The following HIBADH variants were observed in gnomAD, a reference collection of about 807,000 sequenced individuals.
The protein encoded by HIBADH is 3-hydroxyisobutyrate dehydrogenase, mitochondrial.
Under a neutral mutation model 36.1 loss-of-function variants are expected in HIBADH, and 25 were observed. The ratio of observed to expected loss-of-function variants is 0.69; its 90% CI spans 0.50 to 0.97. The LOEUF is 0.97. Ranked by LOEUF, HIBADH falls within the 50% of genes least tolerant of loss-of-function variation. The pLI is 0.00. For synonymous variants in HIBADH, 160 were observed against 149.5 expected (o/e 1.07, Z -0.51); for missense variants, 421 against 418.0 (o/e 1.01, Z -0.06).
intron 7 of HIBADH, among the ~76,000 whole-genome samples, chr7:27,530,444 T>G (rs1783975619): frequency 6.6e-6 from 1 of 152,068 alleles, no homozygotes; most frequent in African/African-American, 2.4e-5. Flanking sequence ...TGACCTCAGG[T>G]GATCTGCCCT....
chr7:27,538,232 T>C (rs1784094653), intron 6 of HIBADH, 109 bp downstream of exon 6: 2 of 826,814 alleles, frequency 2.4e-6, no homozygotes, highest in African/African-American at 3.4e-5. Flanking sequence ...TTTCAAAATG[T>C]TCTTGGATCA....
intron 6 of HIBADH, among the ~76,000 whole-genome samples, chr7:27,537,977 T>C (rs577196252): frequency 6.6e-6 from 1 of 152,296 alleles, no homozygotes; most frequent in East Asian, 1.9e-4. Context: ...ACTAAAACCA[T>C]GTCTTATACA....
chr7:27,534,486 G>C (rs759920440), intron 6 of HIBADH, among the ~76,000 whole-genome samples: 2 of 152,188 alleles, frequency 1.3e-5, no homozygotes, highest in Non-Finnish European at 2.9e-5. Flanking sequence ...CAGGAGGGCT[G>C]AGTTAAGACC....
intron 1 of HIBADH, among the ~76,000 whole-genome samples, chr7:27,650,681 C>CA (rs1263205808): frequency 7.7e-6 from 1 of 129,648 alleles, no homozygotes; most frequent in African/African-American, 2.9e-5. Flanking sequence ...TTAATAGAGA[C>CA]AGAGTTTCAC....
In HIBADH at chr7:27,538,371, C is replaced by T; in HGVS notation, c.665G>A (p.Gly222Glu). ...TCCAAGATTCATAGCTTCAGCAGTT[C>T]CAATCATACTAATAGCTAACAGCAT... ...NNMLLAISMIGTAEAMNLGIR... is the reference protein window; with the variant it reads ...NNMLLAISMIETAEAMNLGIR... The change falls in exon 6 of 8, where the codon GGA becomes GAA. Residue 222 changes from glycine (G) to glutamate (E), a missense_variant. Transcript: ENST00000265395. The T allele has an allele frequency of 6.2e-7, 1 of 1,613,154 alleles. No homozygotes were observed.
chr7:27,568,128 T>C (rs1460761875), intron 4 of HIBADH, among the ~76,000 whole-genome samples: 3 of 96,418 alleles, frequency 3.1e-5, no homozygotes, highest in Non-Finnish European at 5.4e-5. Flanking sequence ...GCTTACAATT[T>C]CTGTTTCTCT....
chr7:27,592,868 G>C (rs1463452684), intron 4 of HIBADH, among the ~76,000 whole-genome samples: 1 of 151,964 alleles, frequency 6.6e-6, no homozygotes, highest in African/African-American at 2.4e-5. Flanking sequence ...TGGTGAAAAA[G>C]GTCTTGATAG....
At chr7:27,611,239 CG>C (rs2128291851) in intron 4 of HIBADH, among the ~76,000 whole-genome samples, 1 of 152,272 alleles carries the variant, frequency 6.6e-6, no homozygotes, top group African/African-American at 2.4e-5. Context: ...TAACTACAAG[CG>C]CCACTTCAGA....
At chr7:27,594,753 G>A (rs1045973901) in intron 4 of HIBADH, among the ~76,000 whole-genome samples, 1 of 151,940 alleles carries the variant, frequency 6.6e-6, no homozygotes, top group Non-Finnish European at 1.5e-5. Context: ...GTCCTACTCA[G>A]GAAACACTCA....
intron 4 of HIBADH, among the ~76,000 whole-genome samples, chr7:27,568,914 T>A (rs1784586163): frequency 9.9e-6 from 1 of 101,034 alleles, no homozygotes; most frequent in Non-Finnish European, 1.9e-5. Context: ...CCTTTTTTTT[T>A]TTCCAAATTT....
chr7:27,566,738 T>C (rs758474045), intron 4 of HIBADH, among the ~76,000 whole-genome samples: 8 of 152,210 alleles, frequency 5.3e-5, no homozygotes, highest in African/African-American at 7.2e-5. Context: ...GTTGTATTTA[T>C]ATTTTTGTTC....
chr7:27,638,464 AT>A (rs1785896605), intron 2 of HIBADH, among the ~76,000 whole-genome samples: 1 of 152,148 alleles, frequency 6.6e-6, no homozygotes, highest in African/African-American at 2.4e-5. Flanking sequence ...AAAGACTTAA[AT>A]GTAAAACCTA....
Position 27,571,706 on chromosome 7 carries a change from T to G in HIBADH, c.485-28606A>C, listed in dbSNP as rs563995621. Among the ~76,000 whole-genome samples, 13 of 152,278 alleles carry G rather than the reference T, an allele frequency of 8.5e-5. No homozygotes were observed. The East Asian group carries it at 2.1e-3, about 25-fold the overall frequency. Reference sequence around the variant, plus strand: ...AGCTTACATTTATTGTACTTGATATTTATGAGTTCTAAGATTCCTGGATTA... The same window carrying G: ...AGCTTACATTTATTGTACTTGATATGTATGAGTTCTAAGATTCCTGGATTA... On this transcript the variant is annotated intron_variant, in intron 4 of 7. Transcript: ENST00000265395.
chr7:27,606,684 A>G (rs1463591964), intron 4 of HIBADH, among the ~76,000 whole-genome samples: 1 of 152,238 alleles, frequency 6.6e-6, no homozygotes, highest in Non-Finnish European at 1.5e-5. Flanking sequence ...CCATATGGGT[A>G]GCAGTCAGCT....
At chr7:27,540,233 G>C (rs1421508969) in intron 5 of HIBADH, among the ~76,000 whole-genome samples, 1 of 152,134 alleles carries the variant, frequency 6.6e-6, no homozygotes, top group Non-Finnish European at 1.5e-5. Context: ...AAGGAGTCTT[G>C]AATAATCAGA....
chr7:27,531,566 A>G (rs1784002204), intron 6 of HIBADH, among the ~76,000 whole-genome samples: 1 of 152,198 alleles, frequency 6.6e-6, no homozygotes, highest in East Asian at 1.9e-4. Context: ...ACCATTTTGC[A>G]TTTGGAGAAA....
intron 1 of HIBADH, among the ~76,000 whole-genome samples, chr7:27,650,713 A>T (rs1388621042): frequency 8.7e-5 from 1 of 11,540 alleles, no homozygotes; most frequent in Non-Finnish European, 1.3e-4. Context: ...GGCTGCCATT[A>T]AAAAAAAAAA....
At chr7:27,649,912 T>TA (rs1418275069) in intron 1 of HIBADH, among the ~76,000 whole-genome samples, 14 of 151,826 alleles carry the variant, frequency 9.2e-5, no homozygotes, top group Non-Finnish European at 1.2e-4. Context: ...CACTAACTTT[T>TA]AAAAGGCAAA....
At chr7:27,530,572 T>C (rs1783980466) in intron 7 of HIBADH, among the ~76,000 whole-genome samples, 1 of 152,036 alleles carries the variant, frequency 6.6e-6, no homozygotes. Context: ...AACCCTCAAC[T>C]GGGAGAAAAT....
Sources: gnomAD v4.1 joint callset for allele counts (sites outside exome capture counted in the v4.1 genomes callset) on GRCh38, gnomAD v4.1.1 for gene constraint, MANE v1.5 for transcripts, NCBI Gene and HGNC (gene_info 2026-07-23, HGNC 2026-07-21) for gene names.